PLPPR5: variants seen among roughly 807,000 people sequenced by gnomAD.
PLPPR5 encodes phospholipid phosphatase related 5.
Under a neutral mutation model 33.9 loss-of-function variants are expected in PLPPR5, and 16 were observed. The ratio of observed to expected loss-of-function variants is 0.47; its 90% confidence interval spans 0.32 to 0.72. PLPPR5 has a LOEUF of 0.72. PLPPR5 is among the 30% of genes least tolerant of loss of function. The pLI is 0.03. For missense variants in PLPPR5, 301 were observed against 406.7 expected (o/e 0.74, Z 2.23); for synonymous variants, 163 against 150.3 (o/e 1.08, Z -0.62).
In PLPPR5 at chr1:98,969,698, T is replaced by C. The variant is rs534373297; in HGVS notation, c.238-12957A>G. 3.3e-5 allele frequency among the ~76,000 whole-genome samples: 5 copies of C among 151,912 alleles called. No homozygotes were observed. In the East Asian group the frequency reaches 9.7e-4, roughly 30 times the overall value. ...GGGGTGGCTCTTTGCCAATGTCTGG[T>C]AGCAAACAGTAAATTCTACCTCTTT... On this transcript the variant is annotated intron_variant, in intron 1 of 5. Transcript: ENST00000263177.
Position 98,902,657 on chromosome 1 carries a change from T to C in PLPPR5, c.934-9553A>G, listed in dbSNP as rs1648739459. ...CCTCCATAGTGTCTCCAGGATGGTC[T>C]CCAATAAGGAAATAGACCTGAAAAA... On this transcript the variant is annotated intron_variant, in intron 5 of 5. Transcript: ENST00000263177. Among the ~76,000 whole-genome samples the C allele has an allele frequency of 2.0e-5, 3 of 152,072 alleles. No homozygotes were observed. The South Asian group carries it at 6.2e-4, about 31-fold the overall frequency.
intron 1 of PLPPR5, among the ~76,000 whole-genome samples, chr1:98,977,956 A>T (rs1324518554): frequency 6.6e-6 from 1 of 152,026 alleles, no homozygotes; most frequent in Non-Finnish European, 1.5e-5. Flanking sequence ...CAAAATGTCC[A>T]TGCATAATCA....
chr1:98,922,129 A>G (rs1649579654), intron 3 of PLPPR5, 71 bp from the exon 4 acceptor site: 1 of 1,351,634 alleles, frequency 7.4e-7, no homozygotes, highest in Admixed American at 2.2e-5. Flanking sequence ...TATTATGTGT[A>G]TGTACAAACA....
chr1:98,990,050 A>G (rs1652397392), intron 1 of PLPPR5, among the ~76,000 whole-genome samples: 1 of 152,168 alleles, frequency 6.6e-6, no homozygotes, highest in Admixed American at 6.6e-5. Context: ...AATTGTTAAA[A>G]AGTGTACAAA....
intron 1 of PLPPR5, among the ~76,000 whole-genome samples, chr1:98,999,928 TTTTC>T (rs1203992257): frequency 2.0e-5 from 3 of 152,108 alleles, no homozygotes; most frequent in African/African-American, 4.8e-5. Flanking sequence ...TTGGTGCTGG[TTTTC>T]TTTATCTTTA....
chr1:98,895,671 ATT>A (rs1648445306), intron 5 of PLPPR5, among the ~76,000 whole-genome samples: 3 of 152,050 alleles, frequency 2.0e-5, no homozygotes, highest in Admixed American at 2.0e-4. Flanking sequence ...AGATCCTAGG[ATT>A]CTAGGGAAAA....
intron 3 of PLPPR5, among the ~76,000 whole-genome samples, chr1:98,926,251 C>G (rs1248117366): frequency 6.6e-6 from 1 of 152,080 alleles, no homozygotes. Flanking sequence ...AAGAGTACAG[C>G]CCAAAATTAA....
chr1:98,965,116 C>T (rs143352136), intron 1 of PLPPR5, among the ~76,000 whole-genome samples: 1,802 of 151,890 alleles, frequency 0.012, 16 homozygotes, highest in Non-Finnish European at 0.018. Context: ...CCTGGCCTCA[C>T]TACTTTATCT....
intron 3 of PLPPR5, among the ~76,000 whole-genome samples, chr1:98,926,280 C>A (rs1483007166): frequency 6.6e-6 from 1 of 152,122 alleles, no homozygotes; most frequent in Non-Finnish European, 1.5e-5. Context: ...GTGCCCACTA[C>A]AACTGACCAG....
Position 98,953,158 on chromosome 1 carries a change from G to A in PLPPR5, c.533C>T (p.Thr178Ile), listed in dbSNP as rs777696553. Residue 178 changes from threonine (T) to isoleucine (I), a missense_variant, in exon 3 of 6, where the codon ACT becomes ATT. Physicochemically the swap from Thr to Ile is moderately conservative, Grantham distance 89. Coordinates refer to ENST00000263177, the MANE Select transcript of PLPPR5 (RefSeq NM_001037317.2). ...TCTCATGATGAGATCTGGGTTGCCA[G>A]TACAGGCCTCTTCCCCACTGATGAA... ...TQFISGEEAC[T>I]GNPDLIMRAR... 2 of 1,614,000 alleles carry A rather than the reference G, an allele frequency of 1.2e-6. No individual in the cohort carries two copies. The highest frequency in any genetic ancestry group is 1.1e-5 in the South Asian group (1 of 91,084).
chr1:98,897,575 GA>G (rs1205901680), intron 5 of PLPPR5, among the ~76,000 whole-genome samples: 2 of 152,108 alleles, frequency 1.3e-5, no homozygotes, highest in Admixed American at 1.3e-4. Context: ...TTGAATAGGA[GA>G]AGCTATCAAC....
intron 1 of PLPPR5, among the ~76,000 whole-genome samples, chr1:98,984,871 T>C (rs1310348368): frequency 6.6e-6 from 1 of 151,930 alleles, no homozygotes; most frequent in East Asian, 1.9e-4. Context: ...CACCCTGAAG[T>C]TGGTAATCTA....
At chr1:98,953,798 T>C (rs1296103396) in intron 2 of PLPPR5, among the ~76,000 whole-genome samples, 1 of 152,242 alleles carries the variant, frequency 6.6e-6, no homozygotes, top group Non-Finnish European at 1.5e-5. Context: ...TTAACGCTGC[T>C]GGAGGTGCCA....
At chr1:98,909,826 T>C (rs143759509) in intron 5 of PLPPR5, among the ~76,000 whole-genome samples, 3 of 148,738 alleles carry the variant, frequency 2.0e-5, no homozygotes, top group Admixed American at 2.0e-4. Flanking sequence ...AAGTTACTAG[T>C]AACCTGAATA....
intron 1 of PLPPR5, among the ~76,000 whole-genome samples, chr1:98,989,301 A>G (rs1652368958): frequency 6.6e-6 from 1 of 152,104 alleles, no homozygotes; most frequent in Non-Finnish European, 1.5e-5. Context: ...TCTCCTAATA[A>G]TCATAATAGT....
chr1:98,950,088 A>C (rs1280769731), intron 3 of PLPPR5, among the ~76,000 whole-genome samples: 2 of 152,218 alleles, frequency 1.3e-5, no homozygotes, highest in Non-Finnish European at 2.9e-5. Flanking sequence ...ACTAGGGCTA[A>C]AATAATCTAA....
chr1:98,966,270 T>G (rs1017981115), intron 1 of PLPPR5, among the ~76,000 whole-genome samples: 1 of 152,312 alleles, frequency 6.6e-6, no homozygotes. Flanking sequence ...GTGAACTGAT[T>G]TCAAGAAAAA....
chr1:98,973,892 G>A (rs1307393892), intron 1 of PLPPR5, among the ~76,000 whole-genome samples: 1 of 151,650 alleles, frequency 6.6e-6, no homozygotes, highest in East Asian at 2.0e-4. Flanking sequence ...TAAAATTTCT[G>A]GGCAGGGGAG....
intron 1 of PLPPR5, among the ~76,000 whole-genome samples, chr1:99,003,723 C>T (rs989291690): frequency 6.6e-6 from 1 of 152,188 alleles, no homozygotes; most frequent in Non-Finnish European, 1.5e-5. Flanking sequence ...AAAAGGCATG[C>T]TCTGTGAGGT....
Sources: allele counts gnomAD v4.1 joint callset (sites outside exome capture counted in the v4.1 genomes callset), GRCh38; gene constraint gnomAD v4.1.1; transcripts MANE v1.5; gene names NCBI Gene and HGNC (gene_info 2026-07-23, HGNC 2026-07-21).